The following RTN1 variants were observed in gnomAD, a reference collection of about 807,000 sequenced individuals.
RTN1 encodes the protein reticulon-1.
In RTN1, 25 loss-of-function variants were observed where a neutral mutation model predicts 65.5. The observed-to-expected ratio is 0.38, with a 90% CI of 0.28 to 0.53. The LOEUF is 0.53. RTN1 is among the 20% of genes least tolerant of loss of function. The probability of loss-of-function intolerance (pLI) is 0.79; values close to 1 mark genes in which losing one functional copy is unlikely to be tolerated. For synonymous variants in RTN1, 471 were observed against 447.6 expected, an observed-to-expected ratio of 1.05 and a Z score of -0.66; for missense variants, 983 against 1,025.4, an observed-to-expected ratio of 0.96 and a Z score of 0.57.
Position 59,686,856 on chromosome 14 carries a change from C to A in RTN1, c.1765+40063G>T, listed in dbSNP as rs7159125. Among the ~76,000 whole-genome samples the A allele has an allele frequency of 1.5e-3, 224 of 152,294 alleles. 2 individuals are homozygous for A. The highest frequency in any genetic ancestry group is 5.3e-3 in the African/African-American group (219 of 41,558). On this transcript the variant is annotated intron_variant, in intron 3 of 8. Coordinates refer to ENST00000267484, the MANE Select transcript of RTN1 (RefSeq NM_021136.3). ...ATTTTCTGAGGCCTGGAACCAAGAA[C>A]AGGACACCATTTTTAATCCAGGCAC...
In RTN1 at chr14:59,825,680, AGT is replaced by A. The variant is rs893778577; in HGVS notation, c.241+44708_241+44709del. On this transcript the variant is annotated intron_variant, in intron 1 of 8. Coordinates refer to ENST00000267484, the MANE Select transcript of RTN1 (RefSeq NM_021136.3). This position sits in a 1 kb window ranked among gnomAD's most constrained non-coding sequence, Gnocchi z 4.2. ...ACACAAAGCACGGTGGCCAAGGAAT[AGT>A]GTTACTGTGTGCTCTTAGAGTTACA... Among the ~76,000 whole-genome samples, 1 of 152,194 alleles carries A rather than the reference AGT, an allele frequency of 6.6e-6. No individual in the cohort carries two copies. Among genetic ancestry groups the A allele is most frequent in the African/African-American group, 2.4e-5 (1 of 41,456 alleles).
rs13804 is a variant in RTN1 at position 59,596,484 on chromosome 14, A to G, written c.*261T>C. The G allele has an allele frequency of 0.016, 4,647 of 295,906 alleles. 137 individuals carry two copies. Among genetic ancestry groups the G allele is most frequent in the African/African-American group, 0.074 (3,424 of 46,162 alleles). 18.3% of individuals were successfully genotyped at this position (295,906 alleles called of 1,614,324 possible). ...GGGAAAGATAACTTGGGCTCTCACC[A>G]TCATGCACTTTTTTTAGCAACACAA... On this transcript the variant is annotated 3_prime_UTR_variant, in exon 9 of 9. Transcript: ENST00000267484.
intron 3 of RTN1, among the ~76,000 whole-genome samples, chr14:59,669,109 A>G (rs1246414390): frequency 1.3e-5 from 2 of 152,224 alleles, no homozygotes; most frequent in African/African-American, 4.8e-5. Context: ...TACTGGGTAT[A>G]TACCCAAAGG....
At chr14:59,745,320 A>G (rs1396437669) in intron 2 of RTN1, among the ~76,000 whole-genome samples, 1 of 152,196 alleles carries the variant, frequency 6.6e-6, no homozygotes, top group African/African-American at 2.4e-5. Flanking sequence ...TAAGCAACAC[A>G]AAACAGACTA....
At chr14:59,713,186 G>A (rs1056980392) in intron 3 of RTN1, among the ~76,000 whole-genome samples, 7 of 152,034 alleles carry the variant, frequency 4.6e-5, no homozygotes, top group South Asian at 2.1e-4. Context: ...TCCAATTGGC[G>A]CACGATTCTT....
intron 2 of RTN1, among the ~76,000 whole-genome samples, chr14:59,736,896 C>T (rs976971775): frequency 6.6e-6 from 1 of 152,146 alleles, no homozygotes; most frequent in Non-Finnish European, 1.5e-5. Context: ...ATCACATAAG[C>T]AGATCTAAAG....
chr14:59,672,042 T>C (rs1157791933), intron 3 of RTN1, among the ~76,000 whole-genome samples: 1 of 152,192 alleles, frequency 6.6e-6, no homozygotes, highest in African/African-American at 2.4e-5. Context: ...ATGTTGAAAG[T>C]CTCTAAAATC....
chr14:59,718,739 G>A (rs566141385), intron 3 of RTN1, among the ~76,000 whole-genome samples: 3 of 152,266 alleles, frequency 2.0e-5, no homozygotes, highest in Admixed American at 6.5e-5. Flanking sequence ...ACAAAAAAAC[G>A]AGTTCAATGA....
chr14:59,835,384 G>A (rs1301460361), intron 1 of RTN1, among the ~76,000 whole-genome samples: 1 of 152,134 alleles, frequency 6.6e-6, no homozygotes, highest in Non-Finnish European at 1.5e-5. Flanking sequence ...TTTCTTGATT[G>A]TGGTAATGAT....
chr14:59,775,068 T>C (rs73302015), intron 1 of RTN1, among the ~76,000 whole-genome samples: 5,020 of 152,236 alleles, frequency 0.033, 258 homozygotes, highest in African/African-American at 0.11. Flanking sequence ...AGGGAGTACA[T>C]TTCCCAGCTC....
chr14:59,652,388 C>T (rs866961300), intron 3 of RTN1, among the ~76,000 whole-genome samples: 10 of 152,138 alleles, frequency 6.6e-5, no homozygotes, highest in Non-Finnish European at 1.5e-4. Context: ...ACTGTGTTCA[C>T]GGCAGCACTA....
intron 3 of RTN1, among the ~76,000 whole-genome samples, chr14:59,702,752 T>C (rs1383525103): frequency 6.6e-6 from 1 of 152,206 alleles, no homozygotes; most frequent in African/African-American, 2.4e-5. Context: ...ACTCACTATA[T>C]GGCAAGCAGA....
chr14:59,819,292 C>T (rs543732846), intron 1 of RTN1, among the ~76,000 whole-genome samples: 41 of 151,662 alleles, frequency 2.7e-4, no homozygotes, highest in African/African-American at 9.4e-4. Flanking sequence ...GCAGTTGGGG[C>T]TCGGGTGGCG....
At position 59,603,856 on chromosome 14, in the gene RTN1, G is replaced by A; in HGVS notation, c.2178C>T (p.Leu726=). 1 of 1,610,790 alleles carries A rather than the reference G, an allele frequency of 6.2e-7. No homozygotes were observed. The highest frequency in any genetic ancestry group is 8.5e-7 in the Non-Finnish European group (1 of 1,177,602). The part of the protein sequence containing the change: ...GALFNGLTLL[L]MAVVSMFTLP... ...TACAGTCTTATCTGCTCTTACCCATGAGCAGCAGGGTCAGGCCATTGAAGA... is the reference window on the plus strand; with the variant it reads ...TACAGTCTTATCTGCTCTTACCCATAAGCAGCAGGGTCAGGCCATTGAAGA... The change falls in exon 6 of 9, where the codon CTC becomes CTT. Residue 726 remains leucine, a synonymous_variant. Coordinates refer to ENST00000267484, the MANE Select transcript of RTN1 (RefSeq NM_021136.3).
chr14:59,773,800 T>C (rs916218513), intron 1 of RTN1, among the ~76,000 whole-genome samples: 17 of 152,094 alleles, frequency 1.1e-4, no homozygotes, highest in Non-Finnish European at 1.3e-4. Flanking sequence ...CTGGTTTCTA[T>C]CATCTCATTA....
At chr14:59,863,468 T>C (rs1308764900) in intron 1 of RTN1, among the ~76,000 whole-genome samples, 3 of 152,216 alleles carry the variant, frequency 2.0e-5, no homozygotes, top group Non-Finnish European at 4.4e-5. Flanking sequence ...AATCATTCTA[T>C]TCCTCTTGAC....
At chr14:59,652,013 C>A (rs1883029928) in intron 3 of RTN1, among the ~76,000 whole-genome samples, 1 of 151,812 alleles carries the variant, frequency 6.6e-6, no homozygotes, top group Non-Finnish European at 1.5e-5. Context: ...GAAAAGTGGG[C>A]AAAGGACATG....
At chr14:59,845,275 T>C (rs2139656680) in intron 1 of RTN1, among the ~76,000 whole-genome samples, 1 of 152,376 alleles carries the variant, frequency 6.6e-6, no homozygotes, top group African/African-American at 2.4e-5. Context: ...TTAATATTAA[T>C]ACATTACATT....
At chr14:59,853,883 G>A (rs1390615248) in intron 1 of RTN1, among the ~76,000 whole-genome samples, 1 of 60,586 alleles carries the variant, frequency 1.7e-5, no homozygotes, top group Non-Finnish European at 3.2e-5. Flanking sequence ...TTTTTTTTTT[G>A]AGAGGGAGTC....
Sources: allele counts gnomAD v4.1 joint callset (sites outside exome capture counted in the v4.1 genomes callset), GRCh38; gene constraint gnomAD v4.1.1; non-coding constraint Gnocchi (gnomAD v3.1); transcripts MANE v1.5; gene names NCBI Gene and HGNC (gene_info 2026-07-23, HGNC 2026-07-21).